BLTP3B: variants seen among roughly 807,000 people sequenced by gnomAD.
The protein encoded by BLTP3B is UHRF1 (ICBP90) binding protein 1-like.
the BLTP3B span, among the ~76,000 whole-genome samples, chr12:100,077,025 A>G: frequency 2.6e-5 from 4 of 152,116 alleles, no homozygotes; most frequent in African/African-American, 9.7e-5. Flanking sequence ...CCTCTTTCTC[A>G]TTTCCACATA....
chr12:100,126,135 G>C, the BLTP3B span, among the ~76,000 whole-genome samples: 2 of 152,152 alleles, frequency 1.3e-5, no homozygotes. Flanking sequence ...CTTTGGGAAG[G>C]CTTCATAAAA....
the BLTP3B span, among the ~76,000 whole-genome samples, chr12:100,062,839 T>TA: frequency 6.0e-4 from 91 of 152,204 alleles, no homozygotes; most frequent in Admixed American, 3.6e-3. Context: ...CTCATGCCTA[T>TA]AATCCTAGCT....
the BLTP3B span, among the ~76,000 whole-genome samples, chr12:100,048,731 G>C: frequency 1.2e-4 from 17 of 138,570 alleles, no homozygotes; most frequent in East Asian, 3.4e-3. Flanking sequence ...TATAGTAAGG[G>C]GGGGGAGAGA....
the BLTP3B span, among the ~76,000 whole-genome samples, chr12:100,121,100 C>A: frequency 6.6e-6 from 1 of 152,062 alleles, no homozygotes; most frequent in Non-Finnish European, 1.5e-5. Context: ...GTAATCCCAG[C>A]ACTTTGGGAG....
chr12:100,048,405 T>C, the BLTP3B span, among the ~76,000 whole-genome samples: 7 of 152,174 alleles, frequency 4.6e-5, no homozygotes. Flanking sequence ...TTTCTGTATT[T>C]TCTGTTTTTT....
chr12:100,141,412 T>G, the BLTP3B span, among the ~76,000 whole-genome samples: 1 of 145,608 alleles, frequency 6.9e-6, no homozygotes, highest in Admixed American at 6.9e-5. Flanking sequence ...TGTGTATATA[T>G]GTATATGTAT....
chr12:100,085,214 T>G, the BLTP3B span, among the ~76,000 whole-genome samples: 2 of 151,850 alleles, frequency 1.3e-5, no homozygotes, highest in African/African-American at 4.8e-5. Flanking sequence ...CATAAAAGGG[T>G]TAAGACAATA....
At chr12:100,057,293 G>C in the BLTP3B span, among the ~76,000 whole-genome samples, 1 of 152,188 alleles carries the variant, frequency 6.6e-6, no homozygotes, top group Admixed American at 6.5e-5. Context: ...ACAACCATTA[G>C]AGGAAAGTTA....
At chr12:100,103,143 A>G in the BLTP3B span, among the ~76,000 whole-genome samples, 663 of 152,286 alleles carry the variant, frequency 4.4e-3, 2 homozygotes, top group African/African-American at 0.015. Flanking sequence ...TAAAATCATC[A>G]GATTTCATGA....
the BLTP3B span, among the ~76,000 whole-genome samples, chr12:100,060,717 T>C: frequency 6.6e-6 from 1 of 152,218 alleles, no homozygotes; most frequent in Non-Finnish European, 1.5e-5. Flanking sequence ...TTAGAGGGTA[T>C]ATCACTTCCT....
chr12:100,129,482 T>C, the BLTP3B span, among the ~76,000 whole-genome samples: 1 of 152,190 alleles, frequency 6.6e-6, no homozygotes, highest in Non-Finnish European at 1.5e-5. Context: ...ATGCTAAAGA[T>C]ACAACGGTGA....
chr12:100,095,313 C>T, the BLTP3B span, among the ~76,000 whole-genome samples: 1 of 152,208 alleles, frequency 6.6e-6, no homozygotes, highest in Admixed American at 6.5e-5. Context: ...GCACAGTTAA[C>T]TCTCACACGT....
chr12:100,108,261 A>G, the BLTP3B span: 1 of 1,035,424 alleles, frequency 9.7e-7, no homozygotes, highest in South Asian at 1.7e-5. Context: ...TTTTGAAATT[A>G]TATTAATAAA....
the BLTP3B span, among the ~76,000 whole-genome samples, chr12:100,085,728 C>A: frequency 6.6e-6 from 1 of 151,966 alleles, no homozygotes; most frequent in Non-Finnish European, 1.5e-5. Context: ...GGTATAAAGT[C>A]AAATTAATTT....
chr12:100,103,985 C>A, the BLTP3B span: 3 of 1,528,104 alleles, frequency 2.0e-6, no homozygotes, highest in Non-Finnish European at 2.7e-6. Context: ...TAAGATCAAT[C>A]ATTAAGAAGA....
At chr12:100,038,384 G>A in the BLTP3B span, among the ~76,000 whole-genome samples, 2 of 152,040 alleles carry the variant, frequency 1.3e-5, no homozygotes, top group African/African-American at 2.4e-5. Context: ...TGCCCAGGCT[G>A]GAATACAATG....
the BLTP3B span, among the ~76,000 whole-genome samples, chr12:100,109,634 C>T: frequency 3.4e-4 from 52 of 152,036 alleles, no homozygotes; most frequent in African/African-American, 1.1e-3. Flanking sequence ...GGCATGTTGG[C>T]GCATGCCTGT....
the BLTP3B span, among the ~76,000 whole-genome samples, chr12:100,106,292 A>G: frequency 2.1e-5 from 3 of 143,668 alleles, no homozygotes; most frequent in Non-Finnish European, 4.6e-5. Flanking sequence ...AAAAAAAAAA[A>G]GACACCTGGA....
chr12:100,048,332 A>T, the BLTP3B span: 2 of 890,928 alleles, frequency 2.2e-6, no homozygotes, highest in Non-Finnish European at 3.2e-6. Flanking sequence ...GTACATATAC[A>T]ATATACGTAC....
Sources: gnomAD v4.1 joint callset for allele counts (sites outside exome capture counted in the v4.1 genomes callset) on GRCh38, gnomAD v4.1.1 for gene constraint, MANE v1.5 for transcripts, NCBI Gene and HGNC (gene_info 2026-07-23, HGNC 2026-07-21) for gene names.